DCC: variants seen among roughly 807,000 people sequenced by gnomAD.
DCC encodes the protein netrin receptor DCC.
A neutral mutation model predicts 172.5 loss-of-function variants in DCC; 58 were observed. The observed-to-expected ratio is 0.34, with a 90% CI of 0.27 to 0.42. The LOEUF is 0.42. Ranked by LOEUF, DCC falls within the 10% of genes least tolerant of loss-of-function variation. DCC has a pLI of 1.00. For synonymous variants in DCC, 709 were observed against 644.5 expected (o/e 1.10, Z -1.52); for missense variants, 1,740 against 1,791.0 (o/e 0.97, Z 0.51).
intron 2 of DCC, among the ~76,000 whole-genome samples, chr18:52,783,320 ACTCTTTTTTT>A (rs1198795056): frequency 2.8e-5 from 2 of 72,194 alleles, no homozygotes; most frequent in African/African-American, 1.1e-4. Flanking sequence ...TTATACTACT[ACTCTTTTTTT>A]TTTTTTTTTT....
rs747698662 is a variant in DCC at position 53,486,898 on chromosome 18, C to A, written c.3838C>A (p.Arg1280=). The A allele has an allele frequency of 6.2e-7, 1 of 1,614,184 alleles. No individual in the cohort carries two copies. The highest frequency in any genetic ancestry group is 8.5e-7 in the Non-Finnish European group (1 of 1,180,042). Residue 1280 remains arginine (R), a synonymous_variant, in exon 26 of 29, where the codon CGG becomes AGG. Coordinates refer to ENST00000442544, the MANE Select transcript of DCC (RefSeq NM_005215.4). ...ATATCCCCACCCGCAGTTCACTCTC[C>A]GGCCTGTGCCATTCCCAACACTCTC... ...CGYPHPQFTL[R]PVPFPTLSVD... is the part of the protein sequence containing the mutation.
At chr18:52,809,165 T>G (rs1197337308) in intron 2 of DCC, 3 of 152,262 alleles carry the variant, frequency 2.0e-5, no homozygotes, top group African/African-American at 7.2e-5. Context: ...TGAGGGCATC[T>G]TTAGAACATT....
At chr18:52,458,470 A>T (rs1480357853) in intron 1 of DCC, among the ~76,000 whole-genome samples, 1 of 152,138 alleles carries the variant, frequency 6.6e-6, no homozygotes, top group African/African-American at 2.4e-5. Context: ...AGGTTTTGTT[A>T]TCAAAACATA....
chr18:52,482,876 C>G (rs2030026189), intron 1 of DCC, among the ~76,000 whole-genome samples: 1 of 152,092 alleles, frequency 6.6e-6, no homozygotes, highest in Non-Finnish European at 1.5e-5. Context: ...TTCCATATCC[C>G]CTTGTATTAG....
At chr18:52,779,623 T>G (rs745517874) in intron 2 of DCC, among the ~76,000 whole-genome samples, 1 of 152,194 alleles carries the variant, frequency 6.6e-6, no homozygotes, top group Non-Finnish European at 1.5e-5. Context: ...TACATGCACA[T>G]GTGTCTTTAT....
intron 1 of DCC, among the ~76,000 whole-genome samples, chr18:52,561,577 G>A (rs757006185): frequency 1.4e-4 from 22 of 152,050 alleles, no homozygotes; most frequent in Non-Finnish European, 2.1e-4. Context: ...TCGAAAAAGC[G>A]AATGTGGAAA....
chr18:53,112,483 C>T (rs1294944729), intron 7 of DCC, among the ~76,000 whole-genome samples: 1 of 151,410 alleles, frequency 6.6e-6, no homozygotes, highest in Non-Finnish European at 1.5e-5. Flanking sequence ...TGGATTTGAA[C>T]CCAGATCTGC....
At chr18:53,140,225 C>T (rs1356166423) in intron 7 of DCC, among the ~76,000 whole-genome samples, 11 of 152,066 alleles carry the variant, frequency 7.2e-5, no homozygotes, top group Non-Finnish European at 1.3e-4. Context: ...CTTGGTGAAA[C>T]AGATTTGCTC....
At chr18:53,301,264 T>G (rs528641775) in intron 12 of DCC, among the ~76,000 whole-genome samples, 1 of 151,798 alleles carries the variant, frequency 6.6e-6, no homozygotes, top group African/African-American at 2.4e-5. Flanking sequence ...TAATTTTGTA[T>G]TTTTAGTAGA....
intron 1 of DCC, among the ~76,000 whole-genome samples, chr18:52,390,387 C>T (rs544780391): frequency 6.6e-6 from 1 of 152,094 alleles, no homozygotes; most frequent in Non-Finnish European, 1.5e-5. Flanking sequence ...GAAGGGACAG[C>T]TGTTACAGTC....
chr18:52,772,186 G>A (rs575017885), intron 2 of DCC, among the ~76,000 whole-genome samples: 7 of 152,174 alleles, frequency 4.6e-5, no homozygotes, highest in Admixed American at 2.6e-4. Flanking sequence ...GGTAAATGGC[G>A]ATTTTGTCAA....
At chr18:52,369,557 A>T (rs770381194) in intron 1 of DCC, among the ~76,000 whole-genome samples, 22 of 151,912 alleles carry the variant, frequency 1.4e-4, no homozygotes, top group Non-Finnish European at 3.1e-4. Flanking sequence ...GTCACCAAAC[A>T]CTTTGCAAAT....
chr18:53,291,506 T>C (rs903660334), intron 12 of DCC, among the ~76,000 whole-genome samples: 2 of 152,204 alleles, frequency 1.3e-5, no homozygotes, highest in South Asian at 2.1e-4. Context: ...TTCTATCTAG[T>C]TTCCATGTTC....
At chr18:53,481,079 A>G (rs538261315) in intron 25 of DCC, 4 of 152,396 alleles carry the variant, frequency 2.6e-5, no homozygotes, top group African/African-American at 9.6e-5. Context: ...GTGATCTAAA[A>G]TAGAGAAGAG....
chr18:53,002,593 CTG>C (rs375312923), intron 5 of DCC, among the ~76,000 whole-genome samples: 1 of 152,086 alleles, frequency 6.6e-6, no homozygotes, highest in African/African-American at 2.4e-5. Context: ...CACCACAACT[CTG>C]TGCATCATTC....
At chr18:52,867,135 A>C (rs1324907086) in intron 2 of DCC, among the ~76,000 whole-genome samples, 3 of 152,202 alleles carry the variant, frequency 2.0e-5, no homozygotes, top group African/African-American at 4.8e-5. Context: ...TATTGAGATA[A>C]TCATGTGGTT....
chr18:52,640,459 C>A (rs1257495392), intron 1 of DCC, among the ~76,000 whole-genome samples: 1 of 152,064 alleles, frequency 6.6e-6, no homozygotes, highest in Non-Finnish European at 1.5e-5. Context: ...AAATTGAAAA[C>A]CCTAAGACCT....
At chr18:52,391,907 A>G (rs1986043477) in intron 1 of DCC, among the ~76,000 whole-genome samples, 2 of 152,166 alleles carry the variant, frequency 1.3e-5, no homozygotes, top group South Asian at 4.1e-4. Context: ...GAGAAGTGTC[A>G]CAGACTGCAC....
At chr18:52,529,369 C>T (rs1217349969) in intron 1 of DCC, among the ~76,000 whole-genome samples, 1 of 152,162 alleles carries the variant, frequency 6.6e-6, no homozygotes, top group Non-Finnish European at 1.5e-5. Context: ...CAGCTCACTG[C>T]AAGCTCCGCC....
Sources: gnomAD v4.1 joint callset for allele counts (sites outside exome capture counted in the v4.1 genomes callset) on GRCh38, gnomAD v4.1.1 for gene constraint, MANE v1.5 for transcripts, NCBI Gene and HGNC (gene_info 2026-07-23, HGNC 2026-07-21) for gene names.